SOX13: variants seen among roughly 807,000 people sequenced by gnomAD.
SOX13 encodes the protein SRY-box transcription factor 13, also known as transcription factor SOX-13.
SOX13 carries 28 observed loss-of-function variants against 71.8 expected under a neutral mutation model. That is an observed-to-expected ratio of 0.39 (90% CI 0.29 to 0.53). SOX13 has a LOEUF of 0.53. Among genes scored for constraint, SOX13 ranks in the 20% least tolerant of loss-of-function variants. SOX13 has a pLI of 0.70. For missense variants in SOX13, 627 were observed against 810.3 expected (o/e 0.77, Z 2.75); for synonymous variants, 309 against 317.8 (o/e 0.97, Z 0.29).
intron 1 of SOX13, among the ~76,000 whole-genome samples, chr1:204,086,240 C>G (rs1443763942): frequency 1.3e-5 from 2 of 152,206 alleles, no homozygotes; most frequent in Admixed American, 1.3e-4. Flanking sequence ...CCTCCCCCTC[C>G]TCAGTTCACT....
chr1:204,124,760 C>A lies in SOX13; in HGVS notation c.1495C>A (p.Arg499Ser), dbSNP rs1442823385. Residue 499 changes from arginine (R) to serine (S), a missense_variant, in exon 13 of 14, where the codon CGC becomes AGC. Coordinates refer to ENST00000367204, the MANE Select transcript of SOX13 (RefSeq NM_005686.3). ...PDYKYKPRPKRTCIVEGKRLR... is the reference protein window; with the variant it reads ...PDYKYKPRPKSTCIVEGKRLR... ...CTACAAGTACAAGCCGCGGCCCAAG[C>A]GCACCTGCATCGTGGAGGGCAAGCG... 1 of 1,608,450 alleles carries A rather than the reference C, an allele frequency of 6.2e-7. No individual in the cohort carries two copies. Among genetic ancestry groups the A allele is most frequent in the Non-Finnish European group, 8.5e-7 (1 of 1,177,712 alleles).
At position 204,126,456 on chromosome 1, in the gene SOX13, T is replaced by G; in HGVS notation, c.*322T>G. 1 of 355,248 alleles carries G rather than the reference T, an allele frequency of 2.8e-6. No homozygotes were observed. The highest frequency in any genetic ancestry group is 5.2e-6 in the Non-Finnish European group (1 of 190,998). 22.0% of individuals were successfully genotyped at this position (355,248 alleles called of 1,614,324 possible). ...GTCTATCCACCTGGGGTATGGCATC[T>G]ACCGACCTGTCTCCCTGGGGTCACA... On this transcript the variant is annotated 3_prime_UTR_variant, in exon 14 of 14. Transcript: ENST00000367204.
intron 1 of SOX13, among the ~76,000 whole-genome samples, chr1:204,112,502 C>CAT (rs1491555174): frequency 4.1e-5 from 2 of 48,294 alleles, no homozygotes; most frequent in East Asian, 2.4e-3. Context: ...CACATGCGTG[C>CAT]ACACACACAC....
chr1:204,122,999 A>T (rs1475171785), intron 10 of SOX13, 36 bp downstream of exon 10: 272 of 1,519,236 alleles, frequency 1.8e-4, no homozygotes, highest in Non-Finnish European at 2.4e-4. Context: ...TAGGGGCAGC[A>T]ACAGATGGTG....
intron 1 of SOX13, among the ~76,000 whole-genome samples, chr1:204,109,926 G>A (rs1571584916): frequency 6.6e-6 from 1 of 151,922 alleles, no homozygotes; most frequent in Non-Finnish European, 1.5e-5. Context: ...TCCACCGCCC[G>A]GGTTCAAGAG....
chr1:204,105,198 GAC>G (rs1365578876), intron 1 of SOX13, among the ~76,000 whole-genome samples: 1 of 152,196 alleles, frequency 6.6e-6, no homozygotes, highest in East Asian at 1.9e-4. Context: ...CACAAGCTGA[GAC>G]TCAAGGCTCT....
chr1:204,081,383 C>T lies in SOX13; in HGVS notation c.-2+7672C>T, dbSNP rs956570354. On this transcript the variant is annotated intron_variant, in intron 1 of 13. Transcript: ENST00000367204. This position sits in a 1 kb window ranked among gnomAD's most constrained non-coding sequence, Gnocchi z 4.3. ...ACAGAAATGTCATCAGTGTTTGTTT[C>T]CACGGAAGACCAAGAGGAGTCACGG... is the stretch of plus-strand genomic sequence containing the variant. Among the ~76,000 whole-genome samples, 6 of 152,190 alleles carry T rather than the reference C, an allele frequency of 3.9e-5. No homozygotes were observed. The highest frequency in any genetic ancestry group is 1.4e-4 in the African/African-American group (6 of 41,430).
chr1:204,113,171 T>C (rs540310036), intron 2 of SOX13, 37 bp downstream of exon 2: 3 of 1,462,364 alleles, frequency 2.1e-6, no homozygotes, highest in African/African-American at 1.4e-5. Flanking sequence ...CTCACACCCA[T>C]GCGCTGTACC....
intron 4 of SOX13, among the ~76,000 whole-genome samples, chr1:204,115,492 TAA>T (rs71145062): frequency 3.4e-4 from 17 of 49,962 alleles, no homozygotes; most frequent in Admixed American, 1.0e-3. Context: ...TTTTTTTTTT[TAA>T]AAAAAAAAAA....
In SOX13 at chr1:204,123,242, G is replaced by A; in HGVS notation, c.1231+34G>A. On this transcript the variant is annotated intron_variant, in intron 11 of 13. Transcript: ENST00000367204. This position sits in a 1 kb window ranked among gnomAD's most constrained non-coding sequence, Gnocchi z 5.0. ...TCAGGCGCAGGGCTGATGCGCAGGAGGGCCCAACTCTGTATTCCACCAGGG... is the reference window on the plus strand; with the variant it reads ...TCAGGCGCAGGGCTGATGCGCAGGAAGGCCCAACTCTGTATTCCACCAGGG... 1 of 1,533,768 alleles carries A rather than the reference G, an allele frequency of 6.5e-7. No homozygotes were observed. The highest frequency in any genetic ancestry group is 2.2e-5 in the East Asian group (1 of 44,498).
chr1:204,094,685 C>T (rs566892273), intron 1 of SOX13, among the ~76,000 whole-genome samples: 18 of 152,336 alleles, frequency 1.2e-4, no homozygotes, highest in African/African-American at 4.1e-4. Context: ...CTGCCATCAG[C>T]TCTTCCTGCA....
intron 1 of SOX13, among the ~76,000 whole-genome samples, chr1:204,085,314 T>C (rs977289487): frequency 3.3e-5 from 5 of 152,214 alleles, no homozygotes; most frequent in African/African-American, 1.2e-4. Flanking sequence ...TGCCACAGGC[T>C]CATGGGGCTA....
chr1:204,101,665 A>G (rs1656364050), intron 1 of SOX13, among the ~76,000 whole-genome samples: 1 of 151,662 alleles, frequency 6.6e-6, no homozygotes, highest in South Asian at 2.1e-4. Context: ...TATTTTCTAT[A>G]TAATAACTTA....
intron 1 of SOX13, among the ~76,000 whole-genome samples, chr1:204,103,343 A>G (rs1165380321): frequency 6.6e-6 from 1 of 152,150 alleles, no homozygotes; most frequent in African/African-American, 2.4e-5. Flanking sequence ...GTTATTTTGC[A>G]CCGAGGAGAG....
At chr1:204,083,750 T>C (rs1655957969) in intron 1 of SOX13, among the ~76,000 whole-genome samples, 1 of 152,128 alleles carries the variant, frequency 6.6e-6, no homozygotes, top group African/African-American at 2.4e-5. Context: ...GCACCTGCCT[T>C]GTGGCTATGC....
At chr1:204,100,719 T>A (rs531257397) in intron 1 of SOX13, among the ~76,000 whole-genome samples, 91 of 152,158 alleles carry the variant, frequency 6.0e-4, no homozygotes, top group African/African-American at 2.1e-3. Flanking sequence ...CGTTGTTCAC[T>A]GGAAGAATGA....
chr1:204,117,899 GA>G (rs1656726913), intron 7 of SOX13, 192 bp downstream of exon 7: 2 of 592,136 alleles, frequency 3.4e-6, no homozygotes, highest in East Asian at 5.6e-5. Context: ...CTGGGAGAAT[GA>G]AAAACCATAA....
At chr1:204,091,346 G>C (rs895866110) in intron 1 of SOX13, among the ~76,000 whole-genome samples, 36 of 152,168 alleles carry the variant, frequency 2.4e-4, no homozygotes, top group African/African-American at 8.7e-4. Context: ...AGCATGTGCA[G>C]TTTCCAGCAT....
At chr1:204,086,683 T>G (rs573925251) in intron 1 of SOX13, among the ~76,000 whole-genome samples, 1 of 152,282 alleles carries the variant, frequency 6.6e-6, no homozygotes, top group African/African-American at 2.4e-5. Context: ...AGTTTCTGGG[T>G]TTTGACTCTA....
Sources: gnomAD v4.1 joint callset for allele counts (sites outside exome capture counted in the v4.1 genomes callset) on GRCh38, gnomAD v4.1.1 for gene constraint, Gnocchi (gnomAD v3.1) non-coding constraint, MANE v1.5 for transcripts, NCBI Gene and HGNC (gene_info 2026-07-23, HGNC 2026-07-21) for gene names.